PKD1L1: variants seen among roughly 807,000 people sequenced by gnomAD.
PKD1L1 encodes polycystin-1-like protein 1.
Under a neutral mutation model 323.4 loss-of-function variants are expected in PKD1L1, and 236 were observed. The ratio of observed to expected loss-of-function variants is 0.73; its 90% confidence interval spans 0.66 to 0.81. PKD1L1 has a LOEUF of 0.81. Ranked by LOEUF, PKD1L1 falls within the 40% of genes least tolerant of loss-of-function variation. PKD1L1 has a pLI of 0.00. For synonymous variants in PKD1L1, 1,344 were observed against 1,335.0 expected (o/e 1.01, Z -0.15); for missense variants, 3,320 against 3,508.0 (o/e 0.95, Z 1.35).
intron 56 of PKD1L1, among the ~76,000 whole-genome samples, chr7:47,784,625 A>C (rs1786767332): frequency 6.6e-6 from 1 of 151,654 alleles, no homozygotes; most frequent in African/African-American, 2.4e-5. Flanking sequence ...GGCGCCCACC[A>C]TTATGCCCGC....
At chr7:47,826,930 G>A (rs1422304163) in intron 45 of PKD1L1, among the ~76,000 whole-genome samples, 1 of 152,240 alleles carries the variant, frequency 6.6e-6, no homozygotes, top group East Asian at 1.9e-4. Flanking sequence ...AAGAGGTGTT[G>A]CATTTATCTT....
intron 53 of PKD1L1, among the ~76,000 whole-genome samples, chr7:47,802,558 G>T (rs2082970857): frequency 6.6e-6 from 1 of 152,210 alleles, no homozygotes; most frequent in Non-Finnish European, 1.5e-5. Context: ...GACAGCCAGA[G>T]CCTCCTAACT....
In PKD1L1 at chr7:47,846,883, A is replaced by G. The variant is rs1449169607; in HGVS notation, c.5149T>C (p.Cys1717Arg). ...QPGTSPEKVN[C>R]SYHRLAAFAL... ...CTTTCTCAAATGTGTCTATACCTGC[A>G]GTTCACTTTTTCAGGAGAAGTCCCT... Residue 1717 changes from cysteine (C) to arginine (R), a missense_variant, in exon 32 of 57, where the codon TGC (cysteine) becomes CGC (arginine). By Grantham distance (180) the Cys-to-Arg change is radical. Coordinates refer to ENST00000289672, the MANE Select transcript of PKD1L1 (RefSeq NM_138295.5). The G allele has an allele frequency of 6.2e-7, 1 of 1,603,304 alleles. No individual in the cohort carries two copies. The highest frequency in any genetic ancestry group is 2.2e-5 in the East Asian group (1 of 44,824).
chr7:47,880,284 A>ATATATATATT (rs1225214936), intron 21 of PKD1L1, among the ~76,000 whole-genome samples: 3 of 56,818 alleles, frequency 5.3e-5, no homozygotes, highest in Non-Finnish European at 8.5e-5. Flanking sequence ...ATATATATAT[A>ATATATATATT]TTTTTTTTTT....
intron 56 of PKD1L1, among the ~76,000 whole-genome samples, chr7:47,785,641 C>T (rs1203476290): frequency 1.3e-5 from 2 of 152,110 alleles, no homozygotes; most frequent in Admixed American, 6.5e-5. Context: ...TCCACAGTTG[C>T]TCAACCCTCA....
rs1786561275 is a variant in PKD1L1, at chr7:47,881,897, G to T, written c.3442+12C>A. 3 of 1,579,316 alleles carry T rather than the reference G, an allele frequency of 1.9e-6. No homozygotes were observed. The highest frequency in any genetic ancestry group is 2.6e-6 in the Non-Finnish European group (3 of 1,166,952). On this transcript the variant is annotated intron_variant, in intron 20 of 56. Transcript: ENST00000289672. The stretch of plus-strand genomic sequence containing the variant: ...CACTGCAAATTGGAGGGTACAAAGA[G>T]GACATTCATACCTGAGGATGAATAG...
intron 7 of PKD1L1, 114 bp downstream of exon 7, chr7:47,929,090 G>A: frequency 2.7e-6 from 3 of 1,123,370 alleles, no homozygotes; most frequent in Non-Finnish European, 2.5e-6. Flanking sequence ...AGGAAGGTTG[G>A]CTGAGTCCAG....
rs569177856 is a variant in PKD1L1 at position 47,813,009 on chromosome 7, G to A, written c.7346+112C>T. On this transcript the variant is annotated intron_variant, in intron 49 of 56. Transcript: ENST00000289672. ...CCCCTGGCAGTGGTGCGCTGACCTCGCAGGCCTGTCAGGAGGCTGCACCTG... is the reference window on the plus strand; with the variant it reads ...CCCCTGGCAGTGGTGCGCTGACCTCACAGGCCTGTCAGGAGGCTGCACCTG... The A allele has an allele frequency of 2.1e-4, 286 of 1,334,550 alleles. 1 individual carries two copies. The African/African-American group carries it at 3.4e-3, about 16-fold the overall frequency. The allele number at this position is 1,334,550 out of a possible 1,614,324, so 82.7% of individuals were successfully genotyped here.
In PKD1L1 at chr7:47,898,006, G is replaced by C. The variant is rs972379486; in HGVS notation, c.2253C>G (p.Asn751Lys). 6.2e-7 allele frequency: 1 copy of C among 1,612,146 alleles called. No homozygotes were observed. The highest frequency in any genetic ancestry group is 8.5e-7 in the Non-Finnish European group (1 of 1,179,744). ...ILPSHTLEYG[N>K]YTALAKVQIE... ...AGCTGACCTTGGCAAGGGCAGTGTAGTTCCCATACTCCAAGGTGTGGCTCG... is the reference window on the plus strand; with the variant it reads ...AGCTGACCTTGGCAAGGGCAGTGTACTTCCCATACTCCAAGGTGTGGCTCG... The change falls in exon 14 of 57, where the codon AAC (asparagine) becomes AAG (lysine). Residue 751 changes from asparagine (N) to lysine (K), a missense_variant. Physicochemically the swap from Asn to Lys is moderately conservative, Grantham distance 94. Transcript: ENST00000289672.
intron 9 of PKD1L1, among the ~76,000 whole-genome samples, chr7:47,907,008 G>A (rs924005424): frequency 2.6e-5 from 4 of 152,194 alleles, no homozygotes; most frequent in East Asian, 3.8e-4. Flanking sequence ...TGGAACCATC[G>A]GAAATTTACA....
At chr7:47,896,188 G>A (rs1786930855) in intron 14 of PKD1L1, among the ~76,000 whole-genome samples, 1 of 152,202 alleles carries the variant, frequency 6.6e-6, no homozygotes, top group East Asian at 1.9e-4. Flanking sequence ...AATTAGCCAG[G>A]CATGGTGGTA....
In PKD1L1 at chr7:47,947,921, T is replaced by C. The variant is rs1038545285; in HGVS notation, c.44+476A>G. ...AGGCAGAGCTTGCAGTGAGCCAAGA[T>C]CGCACCTCTGCACTCGAGCCTGGGC... On this transcript the variant is annotated intron_variant, in intron 1 of 56. Coordinates refer to ENST00000289672, the MANE Select transcript of PKD1L1 (RefSeq NM_138295.5). Among the ~76,000 whole-genome samples, 5 of 151,634 alleles carry C rather than the reference T, an allele frequency of 3.3e-5. No homozygotes were observed. In the East Asian group the frequency reaches 9.7e-4, roughly 30 times the overall value.
At chr7:47,876,777 A>C (rs1314758082) in intron 22 of PKD1L1, among the ~76,000 whole-genome samples, 1 of 151,960 alleles carries the variant, frequency 6.6e-6, no homozygotes, top group African/African-American at 2.4e-5. Context: ...TGAGGCATTC[A>C]TCTTTTTTTA....
chr7:47,861,893 A>C (rs1232869962), intron 26 of PKD1L1, among the ~76,000 whole-genome samples: 4 of 146,168 alleles, frequency 2.7e-5, no homozygotes, highest in African/African-American at 5.1e-5. Flanking sequence ...AAAAAAAAAA[A>C]AAAAAAAAAA....
At chr7:47,827,912 C>T (rs1785269369) in intron 44 of PKD1L1, among the ~76,000 whole-genome samples, 1 of 152,192 alleles carries the variant, frequency 6.6e-6, no homozygotes. Flanking sequence ...CTTTCATACT[C>T]TGTTCGTGAC....
intron 53 of PKD1L1, 58 bp downstream of exon 53, chr7:47,803,152 G>A (rs1465597570): frequency 5.7e-6 from 9 of 1,570,768 alleles, no homozygotes; most frequent in African/African-American, 1.4e-5. Context: ...AAAGGCTGAC[G>A]AGTACACAGA....
chr7:47,874,469 A>T (rs536617908), intron 23 of PKD1L1, among the ~76,000 whole-genome samples: 1 of 152,204 alleles, frequency 6.6e-6, no homozygotes, highest in Middle Eastern at 3.2e-3. Flanking sequence ...ATGTATCTTT[A>T]TAACAACATT....
At chr7:47,777,455 C>G (rs1014030198) in intron 56 of PKD1L1, among the ~76,000 whole-genome samples, 1 of 151,794 alleles carries the variant, frequency 6.6e-6, no homozygotes, top group East Asian at 1.9e-4. Context: ...AGCCAGCACA[C>G]AGCAGAATGC....
Position 47,874,024 on chromosome 7 carries a change from T to C in PKD1L1, c.3785-14A>G, listed in dbSNP as rs756790078. On this transcript the variant is annotated splice_polypyrimidine_tract_variant and intron_variant, in intron 23 of 56. Coordinates refer to ENST00000289672, the MANE Select transcript of PKD1L1 (RefSeq NM_138295.5). ...TGGAAACCATGACTGTGAGGGAACA[T>C]GTCAGAAGAGGGTCATCTTGGACAT... 1 of 1,536,276 alleles carries C rather than the reference T, an allele frequency of 6.5e-7. No homozygotes were observed. The highest frequency in any genetic ancestry group is 1.1e-5 in the South Asian group (1 of 87,738).
Sources: gnomAD v4.1 joint callset for allele counts (sites outside exome capture counted in the v4.1 genomes callset) on GRCh38, gnomAD v4.1.1 for gene constraint, MANE v1.5 for transcripts, NCBI Gene and HGNC (gene_info 2026-07-23, HGNC 2026-07-21) for gene names.